Variants in GABRB3 observed in about 807,000 individuals in gnomAD.
The protein encoded by GABRB3 is gamma-aminobutyric acid receptor subunit beta-3.
GABRB3 carries 14 observed loss-of-function variants against 52.1 expected under a neutral mutation model. The ratio of observed to expected loss-of-function variants is 0.27; its 90% CI spans 0.18 to 0.42. The LOEUF is 0.42. GABRB3 is among the 10% of genes least tolerant of loss of function. The pLI is 1.00. For missense variants in GABRB3, 307 were observed against 609.1 expected (o/e 0.50, Z 5.22); for synonymous variants, 260 against 232.3 (o/e 1.12, Z -1.08).
intron 3 of GABRB3, among the ~76,000 whole-genome samples, chr15:26,645,190 T>C (rs2140578986): frequency 6.6e-6 from 1 of 152,224 alleles, no homozygotes; most frequent in East Asian, 1.9e-4. Flanking sequence ...CACACTGAGC[T>C]ATGATTGCAC....
chr15:26,583,439 A>T, intron 4 of GABRB3, 25 bp from the exon 5 acceptor site: 1 of 1,587,840 alleles, frequency 6.3e-7, no homozygotes, highest in Non-Finnish European at 8.6e-7. Context: ...GTGAGGGAAG[A>T]TATTAAAGAA....
intron 7 of GABRB3, among the ~76,000 whole-genome samples, chr15:26,566,590 G>C (rs1890183624): frequency 6.6e-6 from 1 of 152,072 alleles, no homozygotes; most frequent in African/African-American, 2.4e-5. Context: ...GCCAAGTGTG[G>C]TGGTGTGTGC....
chr15:26,707,988 C>G (rs557105650), intron 3 of GABRB3, among the ~76,000 whole-genome samples: 1 of 152,284 alleles, frequency 6.6e-6, no homozygotes, highest in African/African-American at 2.4e-5. Context: ...AATTCAAAAT[C>G]TTAAATGCTC....
At chr15:26,697,389 G>A (rs1461701281) in intron 3 of GABRB3, among the ~76,000 whole-genome samples, 1 of 152,062 alleles carries the variant, frequency 6.6e-6, no homozygotes, top group Non-Finnish European at 1.5e-5. Flanking sequence ...TTTCTGGAGA[G>A]AAGCAAAGTC....
intron 3 of GABRB3, among the ~76,000 whole-genome samples, chr15:26,744,303 T>C (rs1266828169): frequency 6.6e-6 from 1 of 152,236 alleles, no homozygotes; most frequent in Non-Finnish European, 1.5e-5. Flanking sequence ...ATTTAACTAA[T>C]TTTGTAACTC....
At chr15:26,617,526 G>A (rs1595486445) in intron 4 of GABRB3, among the ~76,000 whole-genome samples, 1 of 152,046 alleles carries the variant, frequency 6.6e-6, no homozygotes, top group East Asian at 1.9e-4. Flanking sequence ...AAAATAATAA[G>A]AGCTATCTAT....
intron 4 of GABRB3, chr15:26,615,748 C>A: frequency 8.9e-7 from 1 of 1,120,482 alleles, no homozygotes; most frequent in Non-Finnish European, 1.1e-6. Context: ...ACAAAAGAAG[C>A]GTAGAGGAGC....
chr15:26,621,556 G>T lies in GABRB3; in HGVS notation c.241-22C>A. The stretch of plus-strand genomic sequence containing the variant: ...AATCCTGGGGGGAAAAGAAAAGAAA[G>T]AAAGTTAGTTTGTACCCAGCCACAG... On this transcript the variant is annotated intron_variant, in intron 3 of 8. Coordinates refer to ENST00000311550, the MANE Select transcript of GABRB3 (RefSeq NM_000814.6). This position sits in a 1 kb window ranked among gnomAD's most constrained non-coding sequence, Gnocchi z 4.1. The T allele has an allele frequency of 1.3e-6, 2 of 1,592,344 alleles. No homozygotes were observed. Among genetic ancestry groups the T allele is most frequent in the Middle Eastern group, 1.7e-4 (1 of 5,992 alleles).
At chr15:26,624,010 G>A (rs1000840812) in intron 3 of GABRB3, among the ~76,000 whole-genome samples, 4 of 152,146 alleles carry the variant, frequency 2.6e-5, no homozygotes, top group East Asian at 3.9e-4. Context: ...ACACAAAGCC[G>A]CCTGTGAGGA....
chr15:26,666,650 T>C (rs1887721965), intron 3 of GABRB3: 2 of 152,318 alleles, frequency 1.3e-5, no homozygotes, highest in East Asian at 1.9e-4. Flanking sequence ...GGCAATCTAG[T>C]GCCTCTTGCC....
chr15:26,768,378 T>C (rs1007349810), intron 3 of GABRB3, among the ~76,000 whole-genome samples: 3 of 152,228 alleles, frequency 2.0e-5, no homozygotes, highest in South Asian at 2.1e-4. Flanking sequence ...AGTAAGTACA[T>C]GTAACTTCTC....
intron 4 of GABRB3, among the ~76,000 whole-genome samples, chr15:26,596,434 C>T (rs1436842879): frequency 4.6e-5 from 7 of 152,058 alleles, no homozygotes; most frequent in Non-Finnish European, 1.0e-4. Context: ...AGCAGAAAAC[C>T]TAGAGACCCA....
intron 3 of GABRB3, among the ~76,000 whole-genome samples, chr15:26,717,118 T>C (rs1889506202): frequency 7.6e-6 from 1 of 132,378 alleles, no homozygotes; most frequent in African/African-American, 3.0e-5. Context: ...TCTGGGGACA[T>C]CCGCCCAATG....
At chr15:26,676,590 T>G (rs958314182) in intron 3 of GABRB3, among the ~76,000 whole-genome samples, 2 of 152,220 alleles carry the variant, frequency 1.3e-5, no homozygotes, top group African/African-American at 4.8e-5. Context: ...TTCAAGCTAC[T>G]AACACAGGAA....
chr15:26,748,080 A>G (rs1890399142), intron 3 of GABRB3, among the ~76,000 whole-genome samples: 1 of 150,598 alleles, frequency 6.6e-6, no homozygotes, highest in African/African-American at 2.5e-5. Context: ...ACACTTGGTC[A>G]TGGCATATAA....
intron 6 of GABRB3, among the ~76,000 whole-genome samples, chr15:26,578,683 G>A (rs999130985): frequency 2.6e-5 from 4 of 152,204 alleles, no homozygotes; most frequent in African/African-American, 4.8e-5. Flanking sequence ...ATAGCAGCAC[G>A]CTCATGGCCA....
chr15:26,773,731 G>T, upstream of GABRB3: 1 of 1,559,942 alleles, frequency 6.4e-7, no homozygotes, highest in Non-Finnish European at 8.7e-7. Flanking sequence ...ACATGGCGCT[G>T]TTCCTCCGGC....
intron 3 of GABRB3, chr15:26,624,263 CA>C: frequency 1.0e-6 from 1 of 985,760 alleles, no homozygotes; most frequent in Non-Finnish European, 1.2e-6. Flanking sequence ...TGTGGTTTCA[CA>C]ACAAAAGGAG....
rs546489038 is a variant in GABRB3, at chr15:26,768,271, A to G, written c.240+4131T>C. On this transcript the variant is annotated intron_variant, in intron 3 of 8. Coordinates refer to ENST00000311550, the MANE Select transcript of GABRB3 (RefSeq NM_000814.6). ...ATGGATTAATTAAGTATGAAGTAAT[A>G]GCGAAGTGCAAGTTAAATCACAGGA... 3.9e-5 allele frequency among the ~76,000 whole-genome samples: 6 copies of G among 152,344 alleles called. No homozygotes were observed. In the South Asian group the frequency reaches 1.2e-3, roughly 32 times the overall value.
Sources: gnomAD v4.1 joint callset for allele counts (sites outside exome capture counted in the v4.1 genomes callset) on GRCh38, gnomAD v4.1.1 for gene constraint, Gnocchi (gnomAD v3.1) non-coding constraint, MANE v1.5 for transcripts, NCBI Gene and HGNC (gene_info 2026-07-23, HGNC 2026-07-21) for gene names.